CATSPERE: variants seen among roughly 807,000 people sequenced by gnomAD.
CATSPERE encodes cation channel sperm-associated auxiliary subunit epsilon.
CATSPERE carries 93 observed loss-of-function variants against 114.1 expected under a neutral mutation model. The observed-to-expected ratio is 0.81, with a 90% confidence interval of 0.69 to 0.97. CATSPERE has a LOEUF of 0.97. Ranked by LOEUF, CATSPERE falls within the 50% of genes least tolerant of loss-of-function variation. The pLI, the probability that CATSPERE is intolerant of heterozygous loss-of-function variation, is 0.00. For synonymous variants in CATSPERE, 341 were observed against 384.1 expected (o/e 0.89, Z 1.31); for missense variants, 1,058 against 1,131.6 (o/e 0.93, Z 0.93).
chr1:244,527,043 C>T (rs945496340), intron 8 of CATSPERE, among the ~76,000 whole-genome samples: 8 of 151,982 alleles, frequency 5.3e-5, no homozygotes, highest in African/African-American at 1.7e-4. Context: ...AGTGAGATCA[C>T]AGGACCACAG....
At chr1:244,581,014 T>TAAC (rs1157146180) in intron 11 of CATSPERE, among the ~76,000 whole-genome samples, 1 of 151,586 alleles carries the variant, frequency 6.6e-6, no homozygotes. Flanking sequence ...ATAATAATAA[T>TAAC]AATAATAATA....
rs115670104 is a variant in CATSPERE, at chr1:244,480,873, G to A, written c.326+1089G>A. 5.7e-3 allele frequency among the ~76,000 whole-genome samples: 865 copies of A among 152,214 alleles called. 7 individuals carry two copies. The highest frequency in any genetic ancestry group is 0.02 in the African/African-American group (832 of 41,528). On this transcript the variant is annotated intron_variant, in intron 5 of 21. Coordinates refer to ENST00000366534, the MANE Select transcript of CATSPERE (RefSeq NM_001130957.2). Reference sequence around the variant, plus strand: ...TTGAGTCTCTGCTACTCATGAAACCGGCAGGCTTCTGTCCTTGTTGGCACT... The same window carrying A: ...TTGAGTCTCTGCTACTCATGAAACCAGCAGGCTTCTGTCCTTGTTGGCACT...
intron 2 of CATSPERE, among the ~76,000 whole-genome samples, chr1:244,465,622 C>A (rs1016095369): frequency 6.6e-6 from 1 of 152,312 alleles, no homozygotes; most frequent in Admixed American, 6.5e-5. Context: ...TCTACACTCT[C>A]TTAACTGCTA....
chr1:244,497,129 A>G (rs1354532558), intron 6 of CATSPERE, among the ~76,000 whole-genome samples: 4 of 152,348 alleles, frequency 2.6e-5, no homozygotes, highest in African/African-American at 9.6e-5. Flanking sequence ...TCCAGTAACA[A>G]TTAAAGAAAA....
At chr1:244,479,494 T>C (rs987741043) in intron 4 of CATSPERE, among the ~76,000 whole-genome samples, 1 of 152,154 alleles carries the variant, frequency 6.6e-6, no homozygotes, top group Non-Finnish European at 1.5e-5. Flanking sequence ...AATGAGAACA[T>C]TTTTTGAATT....
chr1:244,461,096 C>CTTCCT (rs11434002), upstream of CATSPERE, among the ~76,000 whole-genome samples: 255 of 151,576 alleles, frequency 1.7e-3, 2 homozygotes, highest in African/African-American at 3.0e-3. Flanking sequence ...TCTTTCCTTC[C>CTTCCT]TCCTTCCTTC....
chr1:244,623,198 C>A (rs1397231526), intron 20 of CATSPERE, among the ~76,000 whole-genome samples: 1 of 152,090 alleles, frequency 6.6e-6, no homozygotes, highest in Non-Finnish European at 1.5e-5. Flanking sequence ...ATGCCTCAGC[C>A]TCCCGAGTAG....
chr1:244,534,672 T>C (rs2148432291), intron 8 of CATSPERE, among the ~76,000 whole-genome samples: 1 of 152,314 alleles, frequency 6.6e-6, no homozygotes, highest in East Asian at 1.9e-4. Flanking sequence ...TCCTTCTCTG[T>C]GTTATCTTGA....
At chr1:244,498,422 C>A (rs551941400) in intron 6 of CATSPERE, among the ~76,000 whole-genome samples, 81 of 152,228 alleles carry the variant, frequency 5.3e-4, no homozygotes, top group African/African-American at 1.9e-3. Context: ...GGAGAGACAG[C>A]TTTTGCTATA....
chr1:244,629,249 C>A (rs1484773089), intron 20 of CATSPERE, among the ~76,000 whole-genome samples: 4 of 152,148 alleles, frequency 2.6e-5, no homozygotes, highest in African/African-American at 9.7e-5. Flanking sequence ...AGATCTCAGC[C>A]CCGTTTGCAT....
intron 6 of CATSPERE, among the ~76,000 whole-genome samples, chr1:244,494,660 G>C (rs889123821): frequency 6.6e-6 from 1 of 151,824 alleles, no homozygotes; most frequent in Non-Finnish European, 1.5e-5. Flanking sequence ...TTCTGGAATA[G>C]AGGATGATTA....
At chr1:244,451,987 G>T, upstream of CATSPERE, 4 of 626,336 alleles carry the variant, frequency 6.4e-6, no homozygotes. The surrounding 1 kb of genome is among the most constrained non-coding windows in gnomAD (Gnocchi z 6.6). Context: ...CCCGCTCTCC[G>T]CCACAGCCCG....
chr1:244,524,158 G>T (rs1477287625), intron 8 of CATSPERE, among the ~76,000 whole-genome samples: 4 of 147,242 alleles, frequency 2.7e-5, no homozygotes, highest in African/African-American at 1.1e-4. Flanking sequence ...CAATGGAACA[G>T]AACAGAGCCC....
At chr1:244,617,834 T>C in intron 20 of CATSPERE, 148 bp downstream of exon 20, 1 of 655,008 alleles carries the variant, frequency 1.5e-6, no homozygotes, top group Non-Finnish European at 2.4e-6. Context: ...CATGAAACAT[T>C]CTATGTGGGT....
chr1:244,515,261 T>C, intron 7 of CATSPERE: 6 of 871,994 alleles, frequency 6.9e-6, no homozygotes, highest in Non-Finnish European at 8.3e-6. Flanking sequence ...TTGTAACTGT[T>C]GTTCCTTCTG....
At chr1:244,521,123 G>T (rs1677473782) in intron 8 of CATSPERE, among the ~76,000 whole-genome samples, 2 of 152,164 alleles carry the variant, frequency 1.3e-5, no homozygotes, top group East Asian at 3.8e-4. Context: ...GGAGGCCAAG[G>T]CAGGAGGATT....
At chr1:244,621,007 T>TATATATATAA (rs1231427202) in intron 20 of CATSPERE, among the ~76,000 whole-genome samples, 1 of 103,058 alleles carries the variant, frequency 9.7e-6, no homozygotes, top group African/African-American at 3.7e-5. Context: ...GATTAAAATA[T>TATATATATAA]ATATATATAA....
upstream of CATSPERE, among the ~76,000 whole-genome samples, chr1:244,458,923 T>A (rs935118464): frequency 6.6e-6 from 1 of 152,158 alleles, no homozygotes; most frequent in African/African-American, 2.4e-5. Flanking sequence ...TCTGGCCTCA[T>A]ACCTTGTCCA....
Position 244,640,157 on chromosome 1 carries a change from G to A in CATSPERE, c.*76G>A. ...TATTACATAGTGATATTGAGAGTGT[G>A]TGTTTGACCAAGAAATACTAAATAT... On this transcript the variant is annotated 3_prime_UTR_variant, in exon 22 of 22. Transcript: ENST00000366534. 1 of 1,185,272 alleles carries A rather than the reference G, an allele frequency of 8.4e-7. No individual in the cohort carries two copies. Among genetic ancestry groups the A allele is most frequent in the Non-Finnish European group, 1.2e-6 (1 of 858,888 alleles). The allele number at this position is 1,185,272 out of a possible 1,614,324, so 73.4% of individuals were successfully genotyped here.
Sources: allele counts gnomAD v4.1 joint callset (sites outside exome capture counted in the v4.1 genomes callset), GRCh38; gene constraint gnomAD v4.1.1; non-coding constraint Gnocchi (gnomAD v3.1); transcripts MANE v1.5; gene names NCBI Gene and HGNC (gene_info 2026-07-23, HGNC 2026-07-21).